The following DIS3L2 variants were observed in gnomAD, a reference collection of about 807,000 sequenced individuals.
The protein encoded by DIS3L2 is DIS3-like exonuclease 2.
DIS3L2 carries 34 observed loss-of-function variants against 97.5 expected under a neutral mutation model. That is an observed-to-expected ratio of 0.35 (90% CI 0.27 to 0.46). The LOEUF (loss-of-function observed/expected upper bound fraction) is 0.46. Ranked by LOEUF, DIS3L2 falls within the 20% of genes least tolerant of loss-of-function variation. The pLI is 1.00. For synonymous variants in DIS3L2, 435 were observed against 445.2 expected (o/e 0.98, Z 0.29); for missense variants, 1,038 against 1,146.0 (o/e 0.91, Z 1.36).
intron 5 of DIS3L2, among the ~76,000 whole-genome samples, chr2:232,071,269 C>T (rs938408858): frequency 6.6e-6 from 1 of 152,048 alleles, no homozygotes; most frequent in African/African-American, 2.4e-5. Context: ...TGCCTATAAT[C>T]CCAGCACTTT....
intron 14 of DIS3L2, among the ~76,000 whole-genome samples, chr2:232,306,617 C>T (rs1309274934): frequency 2.6e-5 from 4 of 152,288 alleles, no homozygotes; most frequent in African/African-American, 7.2e-5. Flanking sequence ...TTGTCAGAAT[C>T]GGAGATCTGA....
intron 5 of DIS3L2, among the ~76,000 whole-genome samples, chr2:232,082,591 G>T (rs1432049808): frequency 6.6e-6 from 1 of 152,188 alleles, no homozygotes; most frequent in Non-Finnish European, 1.5e-5. Context: ...CTTCTGGTCT[G>T]TGGAAAAATT....
intron 5 of DIS3L2, among the ~76,000 whole-genome samples, chr2:232,070,019 T>C (rs1444694917): frequency 6.6e-6 from 1 of 152,234 alleles, no homozygotes; most frequent in African/African-American, 2.4e-5. Context: ...TTTTAGAGAC[T>C]TAAGTCAAAA....
intron 1 of DIS3L2, among the ~76,000 whole-genome samples, chr2:231,975,566 G>A (rs572240974): frequency 3.3e-5 from 5 of 151,932 alleles, no homozygotes; most frequent in African/African-American, 9.7e-5. Flanking sequence ...TTAGCCAGGC[G>A]TGGTGGCAGG....
intron 9 of DIS3L2, among the ~76,000 whole-genome samples, chr2:232,190,957 A>G (rs868123556): frequency 5.9e-5 from 9 of 152,352 alleles, no homozygotes; most frequent in Middle Eastern, 3.4e-3. Flanking sequence ...GCTCTGCTGC[A>G]GTGAGGTCAG....
At chr2:232,270,864 CTCTCTCTCTCT>C (rs1693975736) in intron 13 of DIS3L2, among the ~76,000 whole-genome samples, 4 of 20,794 alleles carry the variant, frequency 1.9e-4, no homozygotes, top group East Asian at 1.0e-3. Flanking sequence ...TTTCTCGTCT[CTCTCTCTCTCT>C]CTCTCTCTCT....
At chr2:232,193,602 C>T (rs1338135221) in intron 9 of DIS3L2, among the ~76,000 whole-genome samples, 2 of 152,150 alleles carry the variant, frequency 1.3e-5, no homozygotes, top group African/African-American at 4.8e-5. Context: ...TTTCTGCTTC[C>T]TCTTGCCTCT....
At position 232,111,225 on chromosome 2, in the gene DIS3L2, C is replaced by T. The variant is rs752921336; in HGVS notation, c.602-19394C>T. ...ATGAAATTGAGGCTCAGAGAAGTTCCTGGGCTTATCCAGTATCCCACAGGA... is the reference window on the plus strand; with the variant it reads ...ATGAAATTGAGGCTCAGAGAAGTTCTTGGGCTTATCCAGTATCCCACAGGA... On this transcript the variant is annotated intron_variant, in intron 6 of 20. Coordinates refer to ENST00000325385, the MANE Select transcript of DIS3L2 (RefSeq NM_152383.5). 24 of 471,088 alleles carry T rather than the reference C, an allele frequency of 5.1e-5. No homozygotes were observed. In the Middle Eastern group the frequency reaches 1.9e-3, roughly 38 times the overall value. 29.2% of individuals were successfully genotyped at this position (471,088 alleles called of 1,614,324 possible).
chr2:231,978,725 G>A (rs13030162), intron 1 of DIS3L2: 20,293 of 152,154 alleles, frequency 0.13, 1,844 homozygotes, highest in South Asian at 0.34. Context: ...CTCGCCTTGG[G>A]CAGGCTGAGA....
chr2:232,032,415 G>A (rs138631308), intron 5 of DIS3L2, among the ~76,000 whole-genome samples: 2,481 of 152,236 alleles, frequency 0.016, 68 homozygotes, highest in African/African-American at 0.057. Flanking sequence ...TTTGTCAGAT[G>A]GATAGATTGC....
intron 1 of DIS3L2, among the ~76,000 whole-genome samples, chr2:231,990,031 G>T (rs1693539374): frequency 6.6e-6 from 1 of 152,168 alleles, no homozygotes. Flanking sequence ...TAGGTTTACT[G>T]ATCATGGCAG....
At chr2:232,304,317 T>C (rs1320054414) in intron 14 of DIS3L2, among the ~76,000 whole-genome samples, 1 of 152,168 alleles carries the variant, frequency 6.6e-6, no homozygotes, top group Non-Finnish European at 1.5e-5. Flanking sequence ...AATAAGTGAT[T>C]TGTGAGAATT....
At position 232,336,733 on chromosome 2, in the gene DIS3L2, A is replaced by G. The variant is rs113002914; in HGVS notation, c.*103A>G. 0.033 allele frequency: 49,384 copies of G among 1,493,832 alleles called. 1,019 individuals carry two copies. The highest frequency in any genetic ancestry group is 0.088 in the African/African-American group (6,168 of 70,344). The allele number at this position is 1,493,832 out of a possible 1,614,324, so 92.5% of individuals were successfully genotyped here. A position where few individuals can be genotyped will look rare whatever the true frequency, so the allele number is the denominator to read the frequency against. The stretch of plus-strand genomic sequence containing the variant: ...GGGGTTTTTAATTTGGTTTTTAACA[A>G]CTCAGGGGTTTGTTTTTATTTTTAT... On this transcript the variant is annotated 3_prime_UTR_variant, in exon 21 of 21. Coordinates refer to ENST00000325385, the MANE Select transcript of DIS3L2 (RefSeq NM_152383.5).
At chr2:231,986,168 C>T (rs1375221850) in intron 1 of DIS3L2, among the ~76,000 whole-genome samples, 9 of 152,208 alleles carry the variant, frequency 5.9e-5, no homozygotes, top group Non-Finnish European at 1.2e-4. Flanking sequence ...GTTGGCTTCC[C>T]TACTTTTGAG....
At chr2:232,112,524 T>C (rs971053204) in intron 6 of DIS3L2, among the ~76,000 whole-genome samples, 1 of 152,168 alleles carries the variant, frequency 6.6e-6, no homozygotes, top group African/African-American at 2.4e-5. Context: ...GTCCCCTTAC[T>C]GAACTGGTAA....
At chr2:232,181,158 G>A (rs1211438052) in intron 9 of DIS3L2, among the ~76,000 whole-genome samples, 1 of 145,218 alleles carries the variant, frequency 6.9e-6, no homozygotes, top group Non-Finnish European at 1.5e-5. Flanking sequence ...CTTCTGGCTT[G>A]TAGGGTTTCT....
At chr2:232,263,531 C>T in intron 13 of DIS3L2, 91 bp downstream of exon 13, 1 of 1,262,902 alleles carries the variant, frequency 7.9e-7, no homozygotes, top group Admixed American at 2.0e-5. Context: ...TTAGACTCTT[C>T]CTTCCTTCTC....
At chr2:232,234,944 G>A (rs1045657181) in intron 10 of DIS3L2, among the ~76,000 whole-genome samples, 1 of 152,186 alleles carries the variant, frequency 6.6e-6, no homozygotes. Context: ...GATATAGCAG[G>A]GGCCACCTGG....
At chr2:232,043,830 G>C (rs976313682) in intron 5 of DIS3L2, among the ~76,000 whole-genome samples, 1 of 152,136 alleles carries the variant, frequency 6.6e-6, no homozygotes, top group Non-Finnish European at 1.5e-5. Context: ...ATCATTCATA[G>C]TAGTATTGTG....
Sources: gnomAD v4.1 joint callset for allele counts (sites outside exome capture counted in the v4.1 genomes callset) on GRCh38, gnomAD v4.1.1 for gene constraint, MANE v1.5 for transcripts, NCBI Gene and HGNC (gene_info 2026-07-23, HGNC 2026-07-21) for gene names.